The following GRM1 variants were observed in gnomAD, a reference collection of about 807,000 sequenced individuals.
GRM1 encodes glutamate metabotropic receptor 1, also known as metabotropic glutamate receptor 1.
A neutral mutation model predicts 90.9 loss-of-function variants in GRM1; 33 were observed. The ratio of observed to expected loss-of-function variants is 0.36; its 90% CI spans 0.28 to 0.49. The LOEUF is 0.49. GRM1 is among the 20% of genes least tolerant of loss of function. The pLI, the probability that GRM1 is intolerant of heterozygous loss-of-function variation, is 0.99. For synonymous variants in GRM1, 700 were observed against 613.2 expected, an observed-to-expected ratio of 1.14 and a Z score of -2.09; for missense variants, 1,190 against 1,534.3, an observed-to-expected ratio of 0.78 and a Z score of 3.75.
At chr6:146,030,753 A>G (rs780572383) in intron 1 of GRM1, among the ~76,000 whole-genome samples, 6 of 152,366 alleles carry the variant, frequency 3.9e-5, no homozygotes, top group Non-Finnish European at 5.9e-5. Flanking sequence ...TAATGCAGTC[A>G]TCTCCCTCAG....
intron 2 of GRM1, among the ~76,000 whole-genome samples, chr6:146,208,024 A>G (rs1213460357): frequency 2.0e-5 from 3 of 151,706 alleles, no homozygotes; most frequent in Non-Finnish European, 4.4e-5. Flanking sequence ...ATACACAACA[A>G]CCCTCAGGCT....
At chr6:146,193,097 A>T (rs1217266294) in intron 2 of GRM1, among the ~76,000 whole-genome samples, 1 of 152,172 alleles carries the variant, frequency 6.6e-6, no homozygotes, top group African/African-American at 2.4e-5. Flanking sequence ...GGATGCCCCT[A>T]AGTGGGGTAG....
At chr6:146,301,067 G>T (rs1783361215) in intron 2 of GRM1, among the ~76,000 whole-genome samples, 1 of 152,078 alleles carries the variant, frequency 6.6e-6, no homozygotes, top group Non-Finnish European at 1.5e-5. Flanking sequence ...TTTTTTTCAT[G>T]ATAGCATTCT....
At chr6:146,280,552 G>A (rs1172034660) in intron 2 of GRM1, among the ~76,000 whole-genome samples, 2 of 152,008 alleles carry the variant, frequency 1.3e-5, no homozygotes, top group Non-Finnish European at 2.9e-5. Context: ...TTTCTTACCT[G>A]AACACATGCA....
At chr6:146,385,566 G>T (rs1214625109) in intron 5 of GRM1, among the ~76,000 whole-genome samples, 1 of 151,844 alleles carries the variant, frequency 6.6e-6, no homozygotes, top group Non-Finnish European at 1.5e-5. Flanking sequence ...TTAAAGAAAG[G>T]TCTTCAGGAA....
At chr6:146,162,270 A>G (rs935688016) in intron 2 of GRM1, among the ~76,000 whole-genome samples, 7 of 152,204 alleles carry the variant, frequency 4.6e-5, no homozygotes, top group African/African-American at 1.4e-4. Flanking sequence ...TTCTTTTCAT[A>G]TAGTAAATCA....
At chr6:146,184,116 G>A (rs1286520887) in intron 2 of GRM1, among the ~76,000 whole-genome samples, 1 of 152,052 alleles carries the variant, frequency 6.6e-6, no homozygotes, top group East Asian at 1.9e-4. Context: ...CTTGCCAGAT[G>A]ATAAAAAAAG....
At chr6:146,328,960 G>A (rs1402366742) in intron 3 of GRM1, among the ~76,000 whole-genome samples, 1 of 152,170 alleles carries the variant, frequency 6.6e-6, no homozygotes, top group Non-Finnish European at 1.5e-5. Flanking sequence ...GTGGCGTGGG[G>A]CAGCCTGACC....
intron 1 of GRM1, among the ~76,000 whole-genome samples, chr6:146,126,616 T>C (rs1174385069): frequency 6.6e-6 from 1 of 152,150 alleles, no homozygotes; most frequent in Non-Finnish European, 1.5e-5. Context: ...TTCTAAATAG[T>C]CTCATTAGTT....
intron 6 of GRM1, among the ~76,000 whole-genome samples, chr6:146,394,737 A>G (rs1431637970): frequency 6.6e-6 from 1 of 152,100 alleles, no homozygotes; most frequent in Non-Finnish European, 1.5e-5. Flanking sequence ...AGCCATTGTG[A>G]GGATTGTGGC....
intron 1 of GRM1, among the ~76,000 whole-genome samples, chr6:146,101,846 A>G (rs1777062407): frequency 6.7e-6 from 1 of 148,802 alleles, no homozygotes; most frequent in Admixed American, 6.7e-5. Context: ...TATAATTACT[A>G]TAATATAATT....
At chr6:146,193,476 TG>T (rs1400669724) in intron 2 of GRM1, among the ~76,000 whole-genome samples, 2 of 151,862 alleles carry the variant, frequency 1.3e-5, no homozygotes, top group Non-Finnish European at 2.9e-5. Flanking sequence ...TAAAGCCGAG[TG>T]AAAAAAAGTA....
intron 1 of GRM1, among the ~76,000 whole-genome samples, chr6:146,122,911 C>A (rs1171952893): frequency 7.5e-6 from 1 of 133,420 alleles, no homozygotes; most frequent in African/African-American, 2.8e-5. Flanking sequence ...GTGGGGCAAT[C>A]TCGGCTCACT....
At chr6:146,383,547 G>C (rs1344691513) in intron 5 of GRM1, among the ~76,000 whole-genome samples, 1 of 151,980 alleles carries the variant, frequency 6.6e-6, no homozygotes, top group South Asian at 2.1e-4. Flanking sequence ...AGATAGGTGT[G>C]AATTTTTTCA....
At position 146,139,573 on chromosome 6, in the gene GRM1, G is replaced by T. The variant is rs568260048; in HGVS notation, c.701-19775G>T. 5.3e-5 allele frequency among the ~76,000 whole-genome samples: 8 copies of T among 152,018 alleles called. No homozygotes were observed. The South Asian group carries it at 1.7e-3, about 32-fold the overall frequency. ...ACTTTATTACTATATAATGATCCTT[G>T]TCTCTTTTTATAGTTTTTGTCTTGA... On this transcript the variant is annotated intron_variant, in intron 1 of 7. Coordinates refer to ENST00000282753, the MANE Select transcript of GRM1 (RefSeq NM_001278064.2).
At chr6:146,172,840 A>C (rs545413452) in intron 2 of GRM1, among the ~76,000 whole-genome samples, 1 of 152,324 alleles carries the variant, frequency 6.6e-6, no homozygotes, top group African/African-American at 2.4e-5. Context: ...AAAATTGAAA[A>C]ATGTATAACA....
At position 146,080,366 on chromosome 6, in the gene GRM1, C is replaced by T. The variant is rs117581550; in HGVS notation, c.700+50149C>T. 1.7e-3 allele frequency among the ~76,000 whole-genome samples: 254 copies of T among 152,274 alleles called. 2 individuals carry two copies. The East Asian group carries it at 0.034, about 21-fold the overall frequency. On this transcript the variant is annotated intron_variant, in intron 1 of 7. Transcript: ENST00000282753. The stretch of plus-strand genomic sequence containing the variant: ...TCACTGCTTCAATGAAGGGATGATA[C>T]TACAAAACACAAAAACAGAGAAATC...
chr6:146,193,442 A>C (rs1778999413), intron 2 of GRM1, among the ~76,000 whole-genome samples: 1 of 152,156 alleles, frequency 6.6e-6, no homozygotes, highest in Non-Finnish European at 1.5e-5. Context: ...GAGGGAGATT[A>C]ACACCTAGGA....
rs147001018 is a variant in GRM1 at position 146,226,824 on chromosome 6, C to T, written c.950+67227C>T. 2.2e-3 allele frequency among the ~76,000 whole-genome samples: 332 copies of T among 152,156 alleles called. 1 individual carries two copies. The highest frequency in any genetic ancestry group is 7.7e-3 in the African/African-American group (319 of 41,538). On this transcript the variant is annotated intron_variant, in intron 2 of 7. Coordinates refer to ENST00000282753, the MANE Select transcript of GRM1 (RefSeq NM_001278064.2). ...GCTAACTTTGCTGTTGATCTCTGAACACAAGTCCTAGATGATTCTTTTTCA... is the reference window on the plus strand; with the variant it reads ...GCTAACTTTGCTGTTGATCTCTGAATACAAGTCCTAGATGATTCTTTTTCA...
Sources: gnomAD v4.1 joint callset for allele counts (sites outside exome capture counted in the v4.1 genomes callset) on GRCh38, gnomAD v4.1.1 for gene constraint, MANE v1.5 for transcripts, NCBI Gene and HGNC (gene_info 2026-07-23, HGNC 2026-07-21) for gene names.